The following OTOGL variants were observed in gnomAD, a reference collection of about 807,000 sequenced individuals.
OTOGL encodes the protein otogelin like.
A neutral mutation model predicts 318.5 loss-of-function variants in OTOGL; 285 were observed. The observed-to-expected ratio is 0.89, with a 90% CI of 0.81 to 0.99. OTOGL has a LOEUF of 0.99. OTOGL is among the 50% of genes least tolerant of loss of function. The pLI is 0.00. For missense variants in OTOGL, 2,899 were observed against 2,845.6 expected, an observed-to-expected ratio of 1.02 and a Z score of -0.43; for synonymous variants, 987 against 936.5, an observed-to-expected ratio of 1.05 and a Z score of -0.99.
At position 80,262,030 on chromosome 12, in the gene OTOGL, T is replaced by G. The variant is rs1882576529; in HGVS notation, c.1951T>G (p.Ser651Ala). The G allele has an allele frequency of 1.2e-6, 2 of 1,613,222 alleles. No homozygotes were observed. ...TCACGCAAATGCGTGGAGAGTTTCT[T>G]CTACCTGTTTTGCACCTGTTCATGT... ...QLHANAWRVS[S>A]TCFAPVHVPV... Residue 651 changes from serine to alanine, a missense_variant, in exon 19 of 59, where the codon TCT (serine) becomes GCT (alanine). Transcript: ENST00000547103.
chr12:80,246,059 T>G (rs1166222276), intron 11 of OTOGL, among the ~76,000 whole-genome samples: 1 of 151,440 alleles, frequency 6.6e-6, no homozygotes, highest in Non-Finnish European at 1.5e-5. Context: ...AAGGAGATTT[T>G]GGGCTGAGAC....
At chr12:80,190,807 AAAAAAAAAAG>A (rs1213472155) in intron 1 of OTOGL, among the ~76,000 whole-genome samples, 65 of 131,142 alleles carry the variant, frequency 5.0e-4, no homozygotes, top group African/African-American at 1.4e-3. Flanking sequence ...AAAAAAAAAA[AAAAAAAAAAG>A]AGTGAATCCA....
chr12:80,268,909 A>T (rs1592635161), intron 22 of OTOGL, among the ~76,000 whole-genome samples: 1 of 152,134 alleles, frequency 6.6e-6, no homozygotes, highest in Non-Finnish European at 1.5e-5. Flanking sequence ...AGCAAAAAAA[A>T]AAAAAAGTAA....
chr12:80,225,168 G>A (rs1878713701), intron 7 of OTOGL, among the ~76,000 whole-genome samples: 1 of 152,010 alleles, frequency 6.6e-6, no homozygotes, highest in Non-Finnish European at 1.5e-5. Context: ...TCTTTAGATA[G>A]GGCAGTTGGT....
At chr12:80,267,404 TATA>T (rs1883069676) in intron 22 of OTOGL, 77 bp downstream of exon 22, 6 of 686,294 alleles carry the variant, frequency 8.7e-6, no homozygotes, top group African/African-American at 5.8e-5. Context: ...TATATATATA[TATA>T]TTTTTTTATT....
At chr12:80,129,521 T>C (rs901278381) in intron 1 of OTOGL, among the ~76,000 whole-genome samples, 6 of 152,240 alleles carry the variant, frequency 3.9e-5, no homozygotes, top group African/African-American at 1.4e-4. Context: ...CTAATACTAC[T>C]AAGAAGAAAC....
At chr12:80,362,274 A>C (rs1443583684) in intron 52 of OTOGL, among the ~76,000 whole-genome samples, 3 of 152,176 alleles carry the variant, frequency 2.0e-5, no homozygotes, top group Admixed American at 1.3e-4. Context: ...TAACTTTGTC[A>C]AAAATTAATT....
Position 80,329,138 on chromosome 12 carries a change from A to G in OTOGL, c.4348+19A>G. The G allele has an allele frequency of 1.4e-6, 2 of 1,479,016 alleles. No homozygotes were observed. The highest frequency in any genetic ancestry group is 2.8e-5 in the South Asian group (2 of 70,774). 91.6% of individuals were successfully genotyped at this position (1,479,016 alleles called of 1,614,324 possible). ...TTTACAGGTATTGTTATAATTTTAG[A>G]CAACAAAAGTAGCACTATGTAGTTT... On this transcript the variant is annotated intron_variant, in intron 37 of 58. Coordinates refer to ENST00000547103, the MANE Select transcript of OTOGL (RefSeq NM_001378609.3).
intron 44 of OTOGL, among the ~76,000 whole-genome samples, chr12:80,348,087 C>G (rs930126909): frequency 1.6e-4 from 25 of 151,922 alleles, no homozygotes; most frequent in African/African-American, 5.1e-4. Flanking sequence ...TTCACTCTGA[C>G]GATAGTTTCT....
chr12:80,203,840 G>C (rs1345223397), intron 1 of OTOGL, among the ~76,000 whole-genome samples: 2 of 152,154 alleles, frequency 1.3e-5, no homozygotes, highest in East Asian at 3.9e-4. Flanking sequence ...AAACCCCTTA[G>C]ACTTGATGAG....
chr12:80,367,233 A>G (rs1592764791), intron 53 of OTOGL, among the ~76,000 whole-genome samples: 1 of 150,602 alleles, frequency 6.6e-6, no homozygotes, highest in Non-Finnish European at 1.5e-5. Flanking sequence ...CTTTGGCCTC[A>G]CAAAGTACTG....
At chr12:80,326,344 C>T (rs1592710862) in intron 35 of OTOGL, among the ~76,000 whole-genome samples, 2 of 151,730 alleles carry the variant, frequency 1.3e-5, no homozygotes, top group Non-Finnish European at 2.9e-5. Context: ...ATCTAATATG[C>T]CTATTATGAG....
chr12:80,347,286 C>G (rs1442147706), intron 44 of OTOGL, among the ~76,000 whole-genome samples: 2 of 152,064 alleles, frequency 1.3e-5, no homozygotes, highest in African/African-American at 4.8e-5. Flanking sequence ...TCCTAATGCT[C>G]TCCCTCCCCT....
chr12:80,196,067 A>G (rs1449631528), intron 1 of OTOGL, among the ~76,000 whole-genome samples: 1 of 152,182 alleles, frequency 6.6e-6, no homozygotes, highest in Non-Finnish European at 1.5e-5. Flanking sequence ...TTGGGAGTTC[A>G]ATCTGGCTCT....
In OTOGL at chr12:80,257,992, G is replaced by C; in HGVS notation, c.1879G>C (p.Asp627His). Residue 627 changes from aspartate (D) to histidine (H), a missense_variant, in exon 18 of 59, where the codon GAT becomes CAT. Asp to His is a moderately conservative substitution (Grantham distance 81). This residue lies in a region of OTOGL where 2,607 missense variants were observed against 2,524.9 expected (regional missense o/e 1.03). Transcript: ENST00000547103. Reference protein sequence around the residue: ...LCGTFNGNIRDDFLSPSGMIE... With the variant: ...LCGTFNGNIRHDFLSPSGMIE... ...TGGCACTTTTAATGGCAACATAAGG[G>C]ATGATTTTCTGTAAGTATGATTTCT... The C allele has an allele frequency of 6.3e-7, 1 of 1,580,010 alleles. No homozygotes were observed.
Position 80,342,247 on chromosome 12 carries a change from GTTC to G in OTOGL, c.5265+90_5265+92del, listed in dbSNP as rs1468325294. The G allele has an allele frequency of 2.0e-5, 22 of 1,091,696 alleles. No homozygotes were observed. In the Admixed American group the frequency reaches 3.6e-4, roughly 18 times the overall value. 67.6% of individuals were successfully genotyped at this position (1,091,696 alleles called of 1,614,324 possible). A position where few individuals can be genotyped will look rare whatever the true frequency, so the allele number is the denominator to read the frequency against. Reference sequence around the variant, plus strand: ...AATACGTTACTGTTCTTGCTATAATGTTCTTCTACTGAGAACAAAACCCCCAAC... The same window carrying G: ...AATACGTTACTGTTCTTGCTATAATGTTCTACTGAGAACAAAACCCCCAAC... On this transcript the variant is annotated intron_variant, in intron 44 of 58. Coordinates refer to ENST00000547103, the MANE Select transcript of OTOGL (RefSeq NM_001378609.3).
At chr12:80,215,730 G>C (rs1045241625) in intron 4 of OTOGL, among the ~76,000 whole-genome samples, 2 of 152,172 alleles carry the variant, frequency 1.3e-5, no homozygotes, top group African/African-American at 4.8e-5. Flanking sequence ...TCATTTTGGA[G>C]CCAAAGGAAG....
chr12:80,252,011 A>G, intron 12 of OTOGL, 65 bp from the exon 13 acceptor site: 1 of 1,398,298 alleles, frequency 7.2e-7, no homozygotes, highest in Non-Finnish European at 9.4e-7. Flanking sequence ...AAATAAAATT[A>G]TAATTTTAAA....
chr12:80,372,383 T>C (rs1890930737), intron 57 of OTOGL, among the ~76,000 whole-genome samples: 2 of 152,058 alleles, frequency 1.3e-5, no homozygotes, highest in Admixed American at 6.6e-5. Context: ...AAAAGGTATT[T>C]CATAAGATTT....
Sources: gnomAD v4.1 joint callset for allele counts (sites outside exome capture counted in the v4.1 genomes callset) on GRCh38, gnomAD v4.1.1 for gene constraint, gnomAD v4.1.1 regional missense constraint, MANE v1.5 for transcripts, NCBI Gene and HGNC (gene_info 2026-07-23, HGNC 2026-07-21) for gene names.